UFL1: variants seen among roughly 807,000 people sequenced by gnomAD.
UFL1 encodes the protein E3 UFM1-protein ligase 1.
UFL1 carries 78 observed loss-of-function variants against 99.3 expected under a neutral mutation model. The ratio of observed to expected loss-of-function variants is 0.79; its 90% CI spans 0.65 to 0.95. The LOEUF is 0.95. Among genes scored for constraint, UFL1 ranks in the 40% least tolerant of loss-of-function variants. The pLI is 0.00. For missense variants in UFL1, 936 were observed against 937.0 expected (o/e 1.00, Z 0.01); for synonymous variants, 335 against 322.2 (o/e 1.04, Z -0.42).
intron 1 of UFL1, 173 bp from the exon 2 acceptor site, chr6:96,522,973 G>GA: frequency 1.9e-6 from 1 of 517,246 alleles, no homozygotes; most frequent in South Asian, 3.9e-5. Flanking sequence ...TACTTACTCT[G>GA]AAAGGTTTTT....
chr6:96,529,725 A>G (rs1018833164), intron 6 of UFL1, among the ~76,000 whole-genome samples: 4 of 152,130 alleles, frequency 2.6e-5, no homozygotes, highest in Non-Finnish European at 4.4e-5. Context: ...GTGATTTCAC[A>G]TGGCAGCCAC....
chr6:96,537,451 T>A lies in UFL1; in HGVS notation c.880T>A (p.Leu294Met). ...IKKRYKTTQLLFLKAACVGQG... is the reference protein window; with the variant it reads ...IKKRYKTTQLMFLKAACVGQG... ...GAAAAGATATAAGACTACACAACTC[T>A]TGTTTTTGAAAGCAGCTTGTGTTGG... Residue 294 changes from leucine to methionine, a missense_variant, in exon 9 of 19, where the codon TTG becomes ATG. Transcript: ENST00000369278. 1.2e-6 allele frequency: 2 copies of A among 1,610,566 alleles called. No homozygotes were observed.
Position 96,548,344 on chromosome 6 carries a change from T to A in UFL1, c.1520+63T>A, listed in dbSNP as rs1300073945. 16 of 1,071,058 alleles carry A rather than the reference T, an allele frequency of 1.5e-5. No individual in the cohort carries two copies. The Admixed American group carries it at 4.3e-4, about 29-fold the overall frequency. 66.3% of individuals were successfully genotyped at this position (1,071,058 alleles called of 1,614,324 possible). A position where few individuals can be genotyped will look rare whatever the true frequency, so the allele number is the denominator to read the frequency against. On this transcript the variant is annotated intron_variant, in intron 13 of 18. Coordinates refer to ENST00000369278, the MANE Select transcript of UFL1 (RefSeq NM_015323.5). Reference sequence around the variant, plus strand: ...AATTAAATGGGTTATTAAATAAGATTTTTTCCAAGATCATAGAAAGCAAAT... The same window carrying A: ...AATTAAATGGGTTATTAAATAAGATATTTTCCAAGATCATAGAAAGCAAAT...
rs1582434541 is a variant in UFL1, at chr6:96,521,864, T to G, written c.-10T>G. 2 of 1,610,616 alleles carry G rather than the reference T, an allele frequency of 1.2e-6. No individual in the cohort carries two copies. Among genetic ancestry groups the G allele is most frequent in the East Asian group, 2.2e-5 (1 of 44,778 alleles). ...GCAGTTCCTCCGCGTCTACTGCGAG[T>G]CAGGCCGTGATGGCGGACGCCTGGG... On this transcript the variant is annotated 5_prime_UTR_variant, in exon 1 of 19. Coordinates refer to ENST00000369278, the MANE Select transcript of UFL1 (RefSeq NM_015323.5).
chr6:96,545,789 G>T (rs1399926492), intron 12 of UFL1, among the ~76,000 whole-genome samples: 1 of 151,026 alleles, frequency 6.6e-6, no homozygotes, highest in Non-Finnish European at 1.5e-5. Context: ...AGTTTTAAAT[G>T]AAGTTAGAAA....
chr6:96,534,986 TTGAC>T (rs1441375730), intron 7 of UFL1, among the ~76,000 whole-genome samples: 1 of 151,988 alleles, frequency 6.6e-6, no homozygotes, highest in Admixed American at 6.6e-5. Flanking sequence ...AAATTTTTGT[TTGAC>T]TGATTTAAAA....
intron 8 of UFL1, 86 bp from the exon 9 acceptor site, chr6:96,537,288 T>C: frequency 8.3e-7 from 1 of 1,208,648 alleles, no homozygotes. Flanking sequence ...AATAACTTTA[T>C]TGGCTATAAC....
At chr6:96,551,635 T>C in intron 16 of UFL1, 122 bp downstream of exon 16, 1 of 775,424 alleles carries the variant, frequency 1.3e-6, no homozygotes. Context: ...TGCACTCAGC[T>C]GCCTCTTTGA....
At chr6:96,522,118 G>A (rs1769622130) in intron 1 of UFL1, among the ~76,000 whole-genome samples, 168 bp downstream of exon 1, 1 of 152,150 alleles carries the variant, frequency 6.6e-6, no homozygotes, top group Admixed American at 6.5e-5. Flanking sequence ...CCAAGTCCAA[G>A]GCTCGGCGGG....
At chr6:96,525,176 C>T (rs1371477119) in intron 3 of UFL1, 121 bp from the exon 4 acceptor site, 4 of 704,238 alleles carry the variant, frequency 5.7e-6, no homozygotes, top group Non-Finnish European at 9.2e-6. Context: ...GTGCTGGAAT[C>T]CAGGCATGAG....
rs564062066 is a variant in UFL1 at position 96,522,039 on chromosome 6, A to G, written c.77+89A>G. 50 of 1,386,558 alleles carry G rather than the reference A, an allele frequency of 3.6e-5. No homozygotes were observed. The East Asian group carries it at 1.2e-3, about 33-fold the overall frequency. 85.9% of individuals were successfully genotyped at this position (1,386,558 alleles called of 1,614,324 possible). On this transcript the variant is annotated intron_variant, in intron 1 of 18. Coordinates refer to ENST00000369278, the MANE Select transcript of UFL1 (RefSeq NM_015323.5). The stretch of plus-strand genomic sequence containing the variant: ...TGGGACTTTAGACCCGCGGCCCTGC[A>G]TCCCGGGTCTTCTCGCTGCTTGTCA...
chr6:96,543,626 A>G (rs1419384430), intron 12 of UFL1, among the ~76,000 whole-genome samples: 1 of 151,196 alleles, frequency 6.6e-6, no homozygotes, highest in East Asian at 1.9e-4. Context: ...GGTTATGACA[A>G]AAAGGATGAA....
rs1770125655 is a variant in UFL1 at position 96,554,369 on chromosome 6, A to G, written c.*866A>G. ...AATACTAGTGTGAAAAACAGATAGGATGCCTTTTCCAGTGGTAGGAGCATC... is the reference window on the plus strand; with the variant it reads ...AATACTAGTGTGAAAAACAGATAGGGTGCCTTTTCCAGTGGTAGGAGCATC... On this transcript the variant is annotated 3_prime_UTR_variant, in exon 19 of 19. Transcript: ENST00000369278. 6.6e-6 allele frequency: 1 copy of G among 152,166 alleles called. No individual in the cohort carries two copies. Among genetic ancestry groups the G allele is most frequent in the Non-Finnish European group, 1.5e-5 (1 of 68,028 alleles). The allele number at this position is 152,166 out of a possible 1,614,324, so 9.4% of individuals were successfully genotyped here.
chr6:96,542,134 T>C (rs1452562577), intron 11 of UFL1, among the ~76,000 whole-genome samples: 1 of 151,308 alleles, frequency 6.6e-6, no homozygotes, highest in Non-Finnish European at 1.5e-5. Flanking sequence ...TTTTGTAGAG[T>C]AGATATTTTA....
At chr6:96,537,781 A>G (rs1769873907) in intron 9 of UFL1, among the ~76,000 whole-genome samples, 1 of 151,896 alleles carries the variant, frequency 6.6e-6, no homozygotes, top group African/African-American at 2.4e-5. Flanking sequence ...AGCAAACAAT[A>G]TAACACTCCT....
rs149687069 is a variant in UFL1 at position 96,549,576 on chromosome 6, C to T, written c.1685C>T (p.Ala562Val). 2 of 1,593,634 alleles carry T rather than the reference C, an allele frequency of 1.3e-6. No individual in the cohort carries two copies. The highest frequency in any genetic ancestry group is 1.4e-5 in the African/African-American group (1 of 73,256). ...TTTGAAAAAGGGATGAAGTTTTTTG[C>T]AGGTATACTTAATCTTTGTTAATCT... Reference protein sequence around the residue: ...RLFEKGMKFFADDTQAALTKH... With the variant: ...RLFEKGMKFFVDDTQAALTKH... The change falls in exon 14 of 19, where the codon GCA (alanine) becomes GTA (valine). Residue 562 changes from alanine to valine, a missense_variant and splice_region_variant. Coordinates refer to ENST00000369278, the MANE Select transcript of UFL1 (RefSeq NM_015323.5).
chr6:96,546,511 T>C lies in UFL1; in HGVS notation c.1403-1653T>C, dbSNP rs1769999925. 2.0e-5 allele frequency among the ~76,000 whole-genome samples: 3 copies of C among 151,224 alleles called. No homozygotes were observed. In the East Asian group the frequency reaches 5.8e-4, roughly 29 times the overall value. ...ATCATTTTTCACAGAATTAGAAAAA[T>C]ACACTCCTAAAGTTGATATGGAACC... On this transcript the variant is annotated intron_variant, in intron 12 of 18. Transcript: ENST00000369278.
At position 96,548,161 on chromosome 6, in the gene UFL1, T is replaced by A. The variant is rs761744004; in HGVS notation, c.1403-3T>A. On this transcript the variant is annotated splice_region_variant and splice_polypyrimidine_tract_variant and intron_variant, in intron 12 of 18. Transcript: ENST00000369278. ...TATTTGCCATTGCTCATGTCCGATA[T>A]AGGAAAGAAGAAGCCAGAGATCAGT... 6.4e-7 allele frequency: 1 copy of A among 1,572,882 alleles called. No individual in the cohort carries two copies. The highest frequency in any genetic ancestry group is 1.7e-4 in the Middle Eastern group (1 of 5,974).
intron 12 of UFL1, 91 bp from the exon 13 acceptor site, chr6:96,548,073 C>CT (rs1412156855): frequency 1.2e-5 from 9 of 774,948 alleles, no homozygotes; most frequent in Non-Finnish European, 1.6e-5. Context: ...GAATTATTGT[C>CT]TTACTAAATA....
Sources: allele counts gnomAD v4.1 joint callset (sites outside exome capture counted in the v4.1 genomes callset), GRCh38; gene constraint gnomAD v4.1.1; transcripts MANE v1.5; gene names NCBI Gene and HGNC (gene_info 2026-07-23, HGNC 2026-07-21).